Variants in PSMG1 observed in about 807,000 individuals in gnomAD.
The protein encoded by PSMG1 is proteasome assembly chaperone 1, also known as Down syndrome critical region gene 2.
PSMG1 carries 23 observed loss-of-function variants against 37.2 expected under a neutral mutation model. The observed-to-expected ratio is 0.62, with a 90% CI of 0.44 to 0.88. PSMG1 has a LOEUF of 0.88. Ranked by LOEUF, PSMG1 falls within the 40% of genes least tolerant of loss-of-function variation. The probability of loss-of-function intolerance (pLI) is 0.00; values close to 1 mark genes in which losing one functional copy is unlikely to be tolerated. For synonymous variants in PSMG1, 127 were observed against 128.0 expected, an observed-to-expected ratio of 0.99 and a Z score of 0.05; for missense variants, 340 against 344.2, an observed-to-expected ratio of 0.99 and a Z score of 0.10.
intron 6 of PSMG1, among the ~76,000 whole-genome samples, chr21:39,176,409 A>G (rs73906147): frequency 0.037 from 5,596 of 152,326 alleles, 355 homozygotes; most frequent in African/African-American, 0.13. Flanking sequence ...GCCCCTGCCC[A>G]TGGGAACTCA....
At chr21:39,182,767 C>T (rs73221193) in intron 1 of PSMG1, among the ~76,000 whole-genome samples, 45,600 of 151,956 alleles carry the variant, frequency 0.3, 7,317 homozygotes, top group Middle Eastern at 0.35. Context: ...GCGTGTTCAT[C>T]GGCTACTGAC....
intron 6 of PSMG1, 145 bp from the exon 7 acceptor site, chr21:39,175,809 G>T: frequency 3.5e-6 from 2 of 576,338 alleles, no homozygotes; most frequent in Non-Finnish European, 6.2e-6. Context: ...CCTTCTCAAC[G>T]AAAAGGCAAG....
chr21:39,179,150 C>G (rs1421007295), intron 4 of PSMG1, among the ~76,000 whole-genome samples: 1 of 152,120 alleles, frequency 6.6e-6, no homozygotes, highest in Non-Finnish European at 1.5e-5. Flanking sequence ...ATTGGAGGCT[C>G]CTGAGGCCTC....
In PSMG1 at chr21:39,177,536, T is replaced by C. The variant is rs1359542733; in HGVS notation, c.691A>G (p.Ile231Val). ...ACATCAGTATAACACAAGTACAGAATTGCTGGGATTTTCCATACTTGACAG... is the reference window on the plus strand; with the variant it reads ...ACATCAGTATAACACAAGTACAGAACTGCTGGGATTTTCCATACTTGACAG... ...SYCQVWKIPA[I>V]LYLCYTDVMK... Residue 231 changes from isoleucine to valine, a missense_variant, in exon 6 of 7, where the codon ATT becomes GTT. Ile to Val is a conservative substitution (Grantham distance 29). Coordinates refer to ENST00000331573, the MANE Select transcript of PSMG1 (RefSeq NM_003720.4). 3.8e-6 allele frequency: 6 copies of C among 1,597,656 alleles called. No homozygotes were observed. In the African/African-American group the frequency reaches 5.4e-5, roughly 14 times the overall value.
chr21:39,178,145 T>C (rs980757299), intron 5 of PSMG1, among the ~76,000 whole-genome samples: 1 of 152,210 alleles, frequency 6.6e-6, no homozygotes, highest in African/African-American at 2.4e-5. Flanking sequence ...TTATCAACTT[T>C]TGATGCACCA....
chr21:39,176,522 G>A (rs2030632056), intron 6 of PSMG1, among the ~76,000 whole-genome samples: 1 of 152,242 alleles, frequency 6.6e-6, no homozygotes, highest in Non-Finnish European at 1.5e-5. Flanking sequence ...CCATGTGTCA[G>A]AAAGATTACC....
At chr21:39,182,452 A>G (rs1312418548) in intron 1 of PSMG1, among the ~76,000 whole-genome samples, 1 of 152,226 alleles carries the variant, frequency 6.6e-6, no homozygotes, top group Non-Finnish European at 1.5e-5. Flanking sequence ...ACCACTGTAA[A>G]ATGTCATGTT....
In PSMG1 at chr21:39,179,860, C is replaced by T. The variant is rs372041333; in HGVS notation, c.456+64G>A. 892 of 1,373,820 alleles carry T rather than the reference C, an allele frequency of 6.5e-4. 14 individuals carry two copies. The South Asian group carries it at 0.011, about 17-fold the overall frequency. The allele number at this position is 1,373,820 out of a possible 1,614,324, so 85.1% of individuals were successfully genotyped here. A position where few individuals can be genotyped will look rare whatever the true frequency, so the allele number is the denominator to read the frequency against. On this transcript the variant is annotated intron_variant, in intron 4 of 6. Coordinates refer to ENST00000331573, the MANE Select transcript of PSMG1 (RefSeq NM_003720.4). ...TGCATAAGTTTAAGTTAAAAGACAT[C>T]GAACCCTTAAAAAATGAAAACTCCT...
chr21:39,180,233 C>G, intron 3 of PSMG1, 52 bp downstream of exon 3: 1 of 1,529,634 alleles, frequency 6.5e-7, no homozygotes, highest in Admixed American at 2.0e-5. Flanking sequence ...CAGTAAATAA[C>G]ATGTAAGTGA....
intron 6 of PSMG1, among the ~76,000 whole-genome samples, chr21:39,176,823 A>C (rs1195203400): frequency 1.3e-5 from 2 of 152,252 alleles, no homozygotes; most frequent in East Asian, 1.9e-4. Context: ...ATGTTGTTAC[A>C]ACCTCTTTCC....
At chr21:39,177,379 G>A in intron 6 of PSMG1, 56 bp downstream of exon 6, 7 of 1,430,352 alleles carry the variant, frequency 4.9e-6, no homozygotes, top group Non-Finnish European at 6.5e-6. Flanking sequence ...ATTTATGTTT[G>A]TTACTAAGCT....
chr21:39,180,387 A>G lies in PSMG1; in HGVS notation c.291T>C (p.Gly97=), dbSNP rs141146603. Residue 97 remains glycine, a synonymous_variant, in exon 3 of 7, where the codon GGT becomes GGC. Coordinates refer to ENST00000331573, the MANE Select transcript of PSMG1 (RefSeq NM_003720.4). ...VMNSGVWEEV[G]CAKLWNEWCR... Reference sequence around the variant, plus strand: ...ACCATTCATTCCAGAGTTTAGCACAACCAACTTCCTCCCAGACTCCTGAAT... The same window carrying G: ...ACCATTCATTCCAGAGTTTAGCACAGCCAACTTCCTCCCAGACTCCTGAAT... 6.0e-4 allele frequency: 962 copies of G among 1,608,462 alleles called. 1 individual carries two copies. Among genetic ancestry groups the G allele is most frequent in the Non-Finnish European group, 6.7e-4 (791 of 1,177,352 alleles).
chr21:39,178,433 C>T lies in PSMG1; in HGVS notation c.655+16G>A. On this transcript the variant is annotated intron_variant, in intron 5 of 6. Coordinates refer to ENST00000331573, the MANE Select transcript of PSMG1 (RefSeq NM_003720.4). ...GCAATAAGATAGAATGTAAATGTTA[C>T]AAATTTTAATACCACCTGCTGCAGG... 6.3e-7 allele frequency: 1 copy of T among 1,597,906 alleles called. No homozygotes were observed. Among genetic ancestry groups the T allele is most frequent in the Non-Finnish European group, 8.6e-7 (1 of 1,165,568 alleles).
In PSMG1 at chr21:39,180,386, A is replaced by G. The variant is rs551566053; in HGVS notation, c.292T>C (p.Cys98Arg). 3.3e-5 allele frequency: 53 copies of G among 1,608,642 alleles called. 1 individual carries two copies. In the East Asian group the frequency reaches 5.8e-4, roughly 18 times the overall value. ...MNSGVWEEVG[C>R]AKLWNEWCRT... ...CACCATTCATTCCAGAGTTTAGCACAACCAACTTCCTCCCAGACTCCTGAA... is the reference window on the plus strand; with the variant it reads ...CACCATTCATTCCAGAGTTTAGCACGACCAACTTCCTCCCAGACTCCTGAA... The change falls in exon 3 of 7, where the codon TGT becomes CGT. Residue 98 changes from cysteine to arginine, a missense_variant. Transcript: ENST00000331573.
At chr21:39,180,242 G>T (rs373818546) in intron 3 of PSMG1, 43 bp downstream of exon 3, 135 of 1,543,498 alleles carry the variant, frequency 8.7e-5, no homozygotes, top group Non-Finnish European at 1.1e-4. Flanking sequence ...ACATGTAAGT[G>T]ATACTTAAAT....
rs938737719 is a variant in PSMG1, at chr21:39,174,829, T to C, written c.*761A>G. On this transcript the variant is annotated 3_prime_UTR_variant, in exon 7 of 7. Transcript: ENST00000331573. ...CATTCACACTCCTAATGATAACACATGACTGTAAGAGAACTGCTGACACGC... is the reference window on the plus strand; with the variant it reads ...CATTCACACTCCTAATGATAACACACGACTGTAAGAGAACTGCTGACACGC... The C allele has an allele frequency of 1.3e-5, 2 of 152,220 alleles. No homozygotes were observed. The highest frequency in any genetic ancestry group is 1.5e-5 in the Non-Finnish European group (1 of 68,044). The allele number at this position is 152,220 out of a possible 1,614,324, so 9.4% of individuals were successfully genotyped here. A position where few individuals can be genotyped will look rare whatever the true frequency, so the allele number is the denominator to read the frequency against.
upstream of PSMG1, chr21:39,183,482 C>T: frequency 7.1e-7 from 1 of 1,399,932 alleles, no homozygotes; most frequent in Non-Finnish European, 9.4e-7. Context: ...GCAATAAGTC[C>T]CGCCCCGCAC....
At chr21:39,180,594 G>A (rs1381337530) in intron 2 of PSMG1, among the ~76,000 whole-genome samples, 158 bp from the exon 3 acceptor site, 1 of 152,064 alleles carries the variant, frequency 6.6e-6, no homozygotes, top group Non-Finnish European at 1.5e-5. Flanking sequence ...AGAAACTGAG[G>A]CCCCCAAGAA....
Position 39,177,586 on chromosome 21 carries a change from G to GAA in PSMG1, c.656-17_656-16dup. 2.0e-5 allele frequency: 29 copies of GAA among 1,460,958 alleles called. No individual in the cohort carries two copies. Among genetic ancestry groups the GAA allele is most frequent in the South Asian group, 7.2e-5 (5 of 69,024 alleles). 90.5% of individuals were successfully genotyped at this position (1,460,958 alleles called of 1,614,324 possible). A position where few individuals can be genotyped will look rare whatever the true frequency, so the allele number is the denominator to read the frequency against. On this transcript the variant is annotated splice_polypyrimidine_tract_variant and intron_variant, in intron 5 of 6. Transcript: ENST00000331573. Reference sequence around the variant, plus strand: ...GTAGCTTAGAACTATGAATACACAAGAAAAAAAAACGATGTAAGTTTTCTA... The same window carrying GAA: ...GTAGCTTAGAACTATGAATACACAAGAAAAAAAAAAACGATGTAAGTTTTCTA...
Sources: allele counts gnomAD v4.1 joint callset (sites outside exome capture counted in the v4.1 genomes callset), GRCh38; gene constraint gnomAD v4.1.1; transcripts MANE v1.5; gene names NCBI Gene and HGNC (gene_info 2026-07-23, HGNC 2026-07-21).